The following MLIP variants were observed in gnomAD, a reference collection of about 807,000 sequenced individuals.
MLIP encodes muscular LMNA-interacting protein.
In MLIP, 79 loss-of-function variants were observed where a neutral mutation model predicts 84.8. That is an observed-to-expected ratio of 0.93 (90% CI 0.78 to 1.12). The LOEUF (loss-of-function observed/expected upper bound fraction) is 1.12, where lower values mean the gene tolerates loss of function less well. Among genes scored for constraint, MLIP ranks in the 50% most tolerant of loss-of-function variants. MLIP has a pLI of 0.00. For synonymous variants in MLIP, 504 were observed against 463.0 expected, an observed-to-expected ratio of 1.09 and a Z score of -1.14; for missense variants, 1,257 against 1,160.6, an observed-to-expected ratio of 1.08 and a Z score of -1.21.
chr6:54,074,926 A>G (rs9349693), intron 1 of MLIP, among the ~76,000 whole-genome samples: 79,628 of 151,930 alleles, frequency 0.52, 24,487 homozygotes, highest in Non-Finnish European at 0.69. Context: ...CTTCATTTGC[A>G]AAAGAACAGC....
chr6:54,055,264 C>T (rs1157292003), intron 1 of MLIP, among the ~76,000 whole-genome samples: 12 of 151,996 alleles, frequency 7.9e-5, no homozygotes, highest in Admixed American at 2.0e-4. Context: ...AACATGATCC[C>T]GGGCACACAG....
At chr6:54,032,766 C>T (rs1230577414) in intron 1 of MLIP, among the ~76,000 whole-genome samples, 1 of 152,052 alleles carries the variant, frequency 6.6e-6, no homozygotes, top group African/African-American at 2.4e-5. Flanking sequence ...GTTGGCTAGG[C>T]TGGTCTTCAA....
chr6:54,251,981 T>C (rs1782595717), intron 12 of MLIP, among the ~76,000 whole-genome samples: 1 of 88,544 alleles, frequency 1.1e-5, no homozygotes, highest in South Asian at 3.8e-4. Context: ...ACATAATATA[T>C]AATATAAATA....
chr6:54,079,090 T>TA (rs1766980897), intron 1 of MLIP, among the ~76,000 whole-genome samples: 1 of 152,260 alleles, frequency 6.6e-6, no homozygotes, highest in African/African-American at 2.4e-5. Context: ...ATAATTACAC[T>TA]AAAAACTTAT....
At position 54,079,390 on chromosome 6, in the gene MLIP, A is replaced by T. The variant is rs546506997; in HGVS notation, c.64-42057A>T. 2.0e-5 allele frequency: 3 copies of T among 152,298 alleles called. No homozygotes were observed. The South Asian group carries it at 6.2e-4, about 32-fold the overall frequency. The allele number at this position is 152,298 out of a possible 1,614,324, so 9.4% of individuals were successfully genotyped here. ...TAGGGGTATGTTTTCTTAATTTATG[A>T]TGGGTGGGAAACATTTAAAATGATG... On this transcript the variant is annotated intron_variant, in intron 1 of 12. Coordinates refer to the MLIP transcript ENST00000274897.
At chr6:54,235,825 T>G (rs1322497763) in intron 12 of MLIP, among the ~76,000 whole-genome samples, 3 of 152,156 alleles carry the variant, frequency 2.0e-5, no homozygotes, top group Non-Finnish European at 4.4e-5. Context: ...GGTGGGGTTG[T>G]GGAGGCAGGG....
At position 54,169,565 on chromosome 6, in the gene MLIP, C is replaced by A. The variant is rs1028022830; in HGVS notation, c.2537C>A (p.Thr846Asn). The A allele has an allele frequency of 6.3e-7, 1 of 1,587,868 alleles. No individual in the cohort carries two copies. The highest frequency in any genetic ancestry group is 1.2e-5 in the South Asian group (1 of 86,806). Reference protein sequence around the residue: ...TTLPRAAGRETKYANLSSPSS... With the variant: ...TTLPRAAGRENKYANLSSPSS... ...CTTCCAAGAGCAGCTGGTCGAGAAA[C>A]CAAATATGTAAGTACCTTTATAATT... The change falls in exon 9 of 14, where the codon ACC becomes AAC. Residue 846 changes from threonine (T) to asparagine (N), a missense_variant. Physicochemically the swap from Thr to Asn is moderately conservative, Grantham distance 65. Transcript: ENST00000502396.
At chr6:54,054,382 G>A (rs182697106) in intron 1 of MLIP, among the ~76,000 whole-genome samples, 21 of 145,220 alleles carry the variant, frequency 1.4e-4, no homozygotes, top group Non-Finnish European at 2.2e-4. Flanking sequence ...ATTGAGTTTC[G>A]AAGTCTCTAC....
chr6:54,224,230 A>C (rs574287072), intron 11 of MLIP, among the ~76,000 whole-genome samples: 1 of 152,166 alleles, frequency 6.6e-6, no homozygotes, highest in East Asian at 1.9e-4. Context: ...AAAAGGGAGA[A>C]AATATAAAAT....
chr6:54,265,112 G>T (rs548587454), intron 13 of MLIP, among the ~76,000 whole-genome samples: 4 of 152,136 alleles, frequency 2.6e-5, no homozygotes, highest in African/African-American at 9.6e-5. Context: ...ATTTCGGAAG[G>T]TTCCCATGTT....
chr6:54,077,555 G>T (rs556863771), intron 1 of MLIP, among the ~76,000 whole-genome samples: 1 of 152,036 alleles, frequency 6.6e-6, no homozygotes, highest in East Asian at 1.9e-4. Flanking sequence ...AAGATAATTT[G>T]CTTGAAAAAC....
intron 5 of MLIP, among the ~76,000 whole-genome samples, chr6:54,150,144 T>C (rs1378998065): frequency 1.3e-5 from 2 of 152,158 alleles, no homozygotes; most frequent in African/African-American, 2.4e-5. Context: ...TGATCTCTTA[T>C]CTAATAAGTA....
chr6:54,064,643 C>T (rs1211382196), intron 1 of MLIP, among the ~76,000 whole-genome samples: 1 of 99,156 alleles, frequency 1.0e-5, no homozygotes, highest in African/African-American at 2.6e-5. Flanking sequence ...TTACACTAAG[C>T]CAAGTAACTT....
intron 1 of MLIP, among the ~76,000 whole-genome samples, chr6:54,023,789 C>G (rs1291653776): frequency 6.6e-6 from 1 of 152,162 alleles, no homozygotes; most frequent in East Asian, 1.9e-4. Flanking sequence ...AAGCTGGTCT[C>G]AAATTCCTGA....
At chr6:54,197,677 C>A (rs1460806976) in intron 10 of MLIP, among the ~76,000 whole-genome samples, 1 of 152,018 alleles carries the variant, frequency 6.6e-6, no homozygotes, top group Non-Finnish European at 1.5e-5. Context: ...TTTCTGGCAT[C>A]ATTAGACGGC....
chr6:54,108,379 A>G (rs1769175016), upstream of MLIP, among the ~76,000 whole-genome samples: 1 of 152,174 alleles, frequency 6.6e-6, no homozygotes, highest in Admixed American at 6.5e-5. Context: ...GGTAATTTAT[A>G]TGCTCTTTTG....
Position 54,160,763 on chromosome 6 carries a change from G to A in MLIP, c.2463G>A (p.Arg821=). 6.3e-7 allele frequency: 1 copy of A among 1,599,634 alleles called. No homozygotes were observed. Among genetic ancestry groups the A allele is most frequent in the Non-Finnish European group, 8.6e-7 (1 of 1,169,470 alleles). The part of the protein sequence containing the change: ...LSMHSSDSPS[R]SPKTLLGSDT... ...AGCATTCTTCTGATTCTCCTTCAAG[G>A]TCCCCAAAGACATTGTTGGGTTCTG... Residue 821 remains arginine, a synonymous_variant, in exon 8 of 14, where the codon AGG becomes AGA. Transcript: ENST00000502396.
intron 1 of MLIP, chr6:54,031,786 T>C (rs1166900384): frequency 4.6e-5 from 7 of 152,218 alleles, no homozygotes; most frequent in South Asian, 2.1e-4. Context: ...CACCTTCTGA[T>C]TGACCTCCAA....
intron 11 of MLIP, among the ~76,000 whole-genome samples, chr6:54,225,279 G>T (rs571693314): frequency 7.2e-5 from 11 of 152,116 alleles, no homozygotes; most frequent in Non-Finnish European, 1.5e-5. Context: ...AAGCTATAGG[G>T]TATAGTATAG....
Sources: gnomAD v4.1 joint callset for allele counts (sites outside exome capture counted in the v4.1 genomes callset) on GRCh38, gnomAD v4.1.1 for gene constraint, MANE v1.5 for transcripts, NCBI Gene and HGNC (gene_info 2026-07-23, HGNC 2026-07-21) for gene names.